ANK1: variants seen among roughly 807,000 people sequenced by gnomAD.
ANK1 encodes the protein ankyrin 1, also known as ankyrin-1.
ANK1 carries 51 observed loss-of-function variants against 210.4 expected under a neutral mutation model. The observed-to-expected ratio is 0.24, with a 90% CI of 0.19 to 0.31. ANK1 has a LOEUF of 0.31. Ranked by LOEUF, ANK1 falls within the 10% of genes least tolerant of loss-of-function variation. The pLI, the probability that ANK1 is intolerant of heterozygous loss-of-function variation, is 1.00. For missense variants in ANK1, 2,051 were observed against 2,504.4 expected (o/e 0.82, Z 3.86); for synonymous variants, 967 against 1,025.9 (o/e 0.94, Z 1.10).
intron 17 of ANK1, 131 bp downstream of exon 17, chr8:41,708,647 C>T (rs890576073): frequency 4.4e-5 from 45 of 1,016,836 alleles, no homozygotes; most frequent in African/African-American, 1.9e-4. Context: ...GTGAAATGTA[C>T]GCAGGGCTGT....
rs1003187227 is a variant in ANK1, at chr8:41,839,377, G to T, written c.126+56978C>A. 2.0e-5 allele frequency among the ~76,000 whole-genome samples: 3 copies of T among 152,210 alleles called. 1 individual carries two copies. Among genetic ancestry groups the T allele is most frequent in the Middle Eastern group, 6.3e-3 (2 of 316 alleles). On this transcript the variant is annotated intron_variant, in intron 1 of 42. Transcript: ENST00000265709. Reference sequence around the variant, plus strand: ...CCCTGGCTGTTGGTGGCAGATCTGGGATATAAACCCACTCTCCGCCCACTC... The same window carrying T: ...CCCTGGCTGTTGGTGGCAGATCTGGTATATAAACCCACTCTCCGCCCACTC...
intron 1 of ANK1, among the ~76,000 whole-genome samples, chr8:41,776,087 G>A (rs1843965173): frequency 6.6e-6 from 1 of 152,182 alleles, no homozygotes; most frequent in Non-Finnish European, 1.5e-5. Flanking sequence ...CTGATGCCTG[G>A]GGTGGTGCAT....
chr8:41,807,179 G>C (rs549190609), intron 1 of ANK1, among the ~76,000 whole-genome samples: 2 of 152,316 alleles, frequency 1.3e-5, no homozygotes, highest in South Asian at 4.1e-4. Context: ...ACACGGTCTA[G>C]AGTTTTGCAT....
chr8:41,803,702 AT>A (rs1331269584), intron 1 of ANK1, among the ~76,000 whole-genome samples: 1 of 151,960 alleles, frequency 6.6e-6, no homozygotes, highest in Non-Finnish European at 1.5e-5. Flanking sequence ...ACTTTTGTGA[AT>A]ATCTTTTTAT....
chr8:41,765,696 C>T (rs948264928), intron 1 of ANK1, among the ~76,000 whole-genome samples: 2 of 152,178 alleles, frequency 1.3e-5, no homozygotes, highest in African/African-American at 4.8e-5. Context: ...ATTAAGTTCT[C>T]ATCAGGACTG....
At chr8:41,769,253 C>A (rs931866898) in intron 1 of ANK1, among the ~76,000 whole-genome samples, 3 of 152,242 alleles carry the variant, frequency 2.0e-5, no homozygotes, top group Non-Finnish European at 4.4e-5. Flanking sequence ...GATGGGCACC[C>A]TCTCGAAGGC....
chr8:41,699,082 A>G (rs945197367), intron 23 of ANK1, among the ~76,000 whole-genome samples: 5 of 152,106 alleles, frequency 3.3e-5, no homozygotes, highest in Non-Finnish European at 7.4e-5. Context: ...TACAGGTGTG[A>G]GCCACCGCAC....
At position 41,654,162 on chromosome 8, in the gene ANK1, C is replaced by G. The variant is rs1804954197; in HGVS notation, c.*1628G>C. 2.0e-5 allele frequency: 3 copies of G among 152,578 alleles called. No individual in the cohort carries two copies. Among genetic ancestry groups the G allele is most frequent in the Admixed American group, 2.0e-4 (3 of 15,286 alleles). 9.5% of individuals were successfully genotyped at this position (152,578 alleles called of 1,614,324 possible). ...CCAGCCCTGTCTCTCTCTCCTGGCC[C>G]TGGGGGCGCCCGCCGCGAGGGCGGG... is the stretch of plus-strand genomic sequence containing the variant. On this transcript the variant is annotated 3_prime_UTR_variant, in exon 43 of 43. Coordinates refer to ENST00000289734, the MANE Select transcript of ANK1 (RefSeq NM_000037.4).
Position 41,719,825 on chromosome 8 carries a change from C to T in ANK1, c.943G>A (p.Gly315Arg). 1 of 1,614,182 alleles carries T rather than the reference C, an allele frequency of 6.2e-7. No homozygotes were observed. Among genetic ancestry groups the T allele is most frequent in the Non-Finnish European group, 8.5e-7 (1 of 1,180,040 alleles). ...GLSPIHMAAQ[G>R]DHLDCVRLLL... Reference sequence around the variant, plus strand: ...AGCCGGACACAGTCGAGGTGGTCTCCCTGAGCCGCCATGTGAATTGGGGAC... The same window carrying T: ...AGCCGGACACAGTCGAGGTGGTCTCTCTGAGCCGCCATGTGAATTGGGGAC... Residue 315 changes from glycine (G) to arginine (R), a missense_variant, in exon 10 of 43, where the codon GGA becomes AGA. This residue lies in a region of ANK1 where 1,413 missense variants were observed against 1,707.4 expected (regional missense o/e 0.83). Transcript: ENST00000289734.
intron 1 of ANK1, among the ~76,000 whole-genome samples, chr8:41,865,696 C>T (rs1010829334): frequency 2.6e-5 from 4 of 152,090 alleles, no homozygotes; most frequent in African/African-American, 9.7e-5. Flanking sequence ...GGGAGTCAGC[C>T]TAGATTCTTC....
At chr8:41,700,377 G>T in intron 22 of ANK1, 3 of 1,567,892 alleles carry the variant, frequency 1.9e-6, no homozygotes, top group African/African-American at 2.7e-5. Context: ...GGTTGCTTAG[G>T]GTGAAATGCA....
chr8:41,784,598 T>A (rs9886398), intron 1 of ANK1, among the ~76,000 whole-genome samples: 81,795 of 152,158 alleles, frequency 0.54, 24,251 homozygotes, highest in African/African-American at 0.8. Context: ...TTATCATGCA[T>A]GTATAACTAA....
chr8:41,815,016 G>A (rs933602089), intron 1 of ANK1, among the ~76,000 whole-genome samples: 2 of 152,038 alleles, frequency 1.3e-5, no homozygotes, highest in Non-Finnish European at 2.9e-5. Context: ...AAGTTATTTC[G>A]AGATCAAAAA....
intron 1 of ANK1, among the ~76,000 whole-genome samples, chr8:41,822,356 T>G (rs1000117624): frequency 6.6e-6 from 1 of 152,156 alleles, no homozygotes; most frequent in African/African-American, 2.4e-5. Flanking sequence ...GACAGCACGC[T>G]TGTGTGCTGA....
chr8:41,739,690 G>A (rs1315551439), intron 2 of ANK1, among the ~76,000 whole-genome samples: 1 of 151,816 alleles, frequency 6.6e-6, no homozygotes, highest in African/African-American at 2.4e-5. Flanking sequence ...CAATCTCAGG[G>A]GTTGACCTGA....
chr8:41,739,046 T>C (rs1234983067), intron 2 of ANK1, among the ~76,000 whole-genome samples: 1 of 152,254 alleles, frequency 6.6e-6, no homozygotes, highest in Non-Finnish European at 1.5e-5. Context: ...ACCAGTTCGC[T>C]AGAGTCTTTT....
At chr8:41,885,444 G>A (rs1203506888) in intron 1 of ANK1, among the ~76,000 whole-genome samples, 1 of 152,220 alleles carries the variant, frequency 6.6e-6, no homozygotes, top group Non-Finnish European at 1.5e-5. Context: ...TTTGCCTAAA[G>A]CAGATACCAT....
At chr8:41,831,191 A>G (rs1806541285) in intron 1 of ANK1, among the ~76,000 whole-genome samples, 1 of 152,132 alleles carries the variant, frequency 6.6e-6, no homozygotes, top group Non-Finnish European at 1.5e-5. Context: ...CCATTTCCCC[A>G]TCTGTAAAAC....
chr8:41,725,853 G>A lies in ANK1; in HGVS notation c.520C>T (p.Leu174Phe), dbSNP rs745990033. 1 of 1,612,112 alleles carries A rather than the reference G, an allele frequency of 6.2e-7. No individual in the cohort carries two copies. The change falls in exon 6 of 43, where the codon CTC becomes TTC. Residue 174 changes from leucine (L) to phenylalanine (F), a missense_variant. Physicochemically the swap from Leu to Phe is conservative, Grantham distance 22. This residue lies in a region of ANK1 where 1,413 missense variants were observed against 1,707.4 expected (regional missense o/e 0.83). Coordinates refer to ENST00000289734, the MANE Select transcript of ANK1 (RefSeq NM_000037.4). Reference sequence around the variant, plus strand: ...CGGGCCGCGATGTGCAGGGCCGGGAGGCGCACCTTCCCCTTGGTGCCGTAG... The same window carrying A: ...CGGGCCGCGATGTGCAGGGCCGGGAAGCGCACCTTCCCCTTGGTGCCGTAG... ...INYGTKGKVR[L>F]PALHIAARND...
Sources: gnomAD v4.1 joint callset for allele counts (sites outside exome capture counted in the v4.1 genomes callset) on GRCh38, gnomAD v4.1.1 for gene constraint, gnomAD v4.1.1 regional missense constraint, MANE v1.5 for transcripts, NCBI Gene and HGNC (gene_info 2026-07-23, HGNC 2026-07-21) for gene names.